The following SLC25A48 variants were observed in gnomAD, a reference collection of about 807,000 sequenced individuals.
SLC25A48 encodes CTC-321K16.1.
Under a neutral mutation model 32.2 loss-of-function variants are expected in SLC25A48, and 29 were observed. The ratio of observed to expected loss-of-function variants is 0.90; its 90% CI spans 0.67 to 1.23. SLC25A48 has a LOEUF of 1.23. Among genes scored for constraint, SLC25A48 ranks in the 50% most tolerant of loss-of-function variants. SLC25A48 has a pLI of 0.00. For synonymous variants in SLC25A48, 164 were observed against 172.3 expected (o/e 0.95, Z 0.38); for missense variants, 399 against 422.7 (o/e 0.94, Z 0.49).
intron 7 of SLC25A48, among the ~76,000 whole-genome samples, chr5:135,885,082 C>G (rs1762667905): frequency 6.6e-6 from 1 of 152,110 alleles, no homozygotes; most frequent in African/African-American, 2.4e-5. Context: ...GGGTACATCG[C>G]CAGCAGCCAT....
intron 3 of SLC25A48, among the ~76,000 whole-genome samples, chr5:135,777,784 C>CGG (rs55658230): frequency 3.0e-3 from 420 of 142,280 alleles, no homozygotes; most frequent in Non-Finnish European, 4.1e-3. Context: ...TCCTAATATC[C>CGG]GGGGGGGGGG....
At chr5:135,753,997 A>G (rs1755834193) in intron 3 of SLC25A48, among the ~76,000 whole-genome samples, 2 of 151,678 alleles carry the variant, frequency 1.3e-5, no homozygotes, top group South Asian at 2.1e-4. Flanking sequence ...CACAGGGTGT[A>G]CGCACAGGCT....
chr5:135,872,933 G>C (rs1045503646), intron 5 of SLC25A48, among the ~76,000 whole-genome samples: 2 of 152,200 alleles, frequency 1.3e-5, no homozygotes, highest in African/African-American at 4.8e-5. Context: ...CCAGCTCCTA[G>C]TAAGAGCTCA....
At chr5:135,705,826 C>G (rs149899728) in intron 3 of SLC25A48, among the ~76,000 whole-genome samples, 300 of 152,264 alleles carry the variant, frequency 2.0e-3, no homozygotes, top group African/African-American at 6.8e-3. Context: ...CCCAGGGTAT[C>G]GGGGATGTCC....
At position 135,850,496 on chromosome 5, in the gene SLC25A48, T is replaced by A. The variant is rs1158606406; in HGVS notation, c.162T>A (p.Ser54Arg). The A allele has an allele frequency of 1.2e-6, 2 of 1,612,800 alleles. No individual in the cohort carries two copies. The highest frequency in any genetic ancestry group is 2.2e-5 in the East Asian group (1 of 44,802). ...TCCGCGTGGTGTACAGGAGGGAGAGTGTAAGTGCCCCTTGGGCGGGTGGAG... is the reference window on the plus strand; with the variant it reads ...TCCGCGTGGTGTACAGGAGGGAGAGAGTAAGTGCCCCTTGGGCGGGTGGAG... ...SCIRVVYRRE[S>R]MFGFFKGMSF... The change falls in exon 3 of 8, where the codon AGT becomes AGA. Residue 54 changes from serine (S) to arginine (R), a missense_variant and splice_region_variant. Coordinates refer to ENST00000681962, the MANE Select transcript of SLC25A48 (RefSeq NM_001349336.2).
chr5:135,825,893 G>T (rs1377955595), intron 4 of SLC25A48: 1 of 152,262 alleles, frequency 6.6e-6, no homozygotes, highest in Non-Finnish European at 1.5e-5. Context: ...CTCAGGGGCT[G>T]CCCAGGGCTG....
At chr5:135,861,321 A>G (rs1760776654) in intron 4 of SLC25A48, among the ~76,000 whole-genome samples, 1 of 151,936 alleles carries the variant, frequency 6.6e-6, no homozygotes, top group African/African-American at 2.4e-5. Context: ...ACGCACACAC[A>G]CACACACACA....
intron 5 of SLC25A48, chr5:135,872,135 TC>T: frequency 1.8e-6 from 1 of 557,198 alleles, no homozygotes; most frequent in Non-Finnish European, 2.7e-6. Flanking sequence ...AAGTAGCCAA[TC>T]CCAGGTCATA....
intron 3 of SLC25A48, among the ~76,000 whole-genome samples, chr5:135,670,985 C>A (rs1753641419): frequency 6.6e-6 from 1 of 152,184 alleles, no homozygotes; most frequent in African/African-American, 2.4e-5. Flanking sequence ...TGATTAATCC[C>A]TGGTATACCT....
At chr5:135,736,609 G>C (rs887724713) in intron 3 of SLC25A48, among the ~76,000 whole-genome samples, 2 of 151,948 alleles carry the variant, frequency 1.3e-5, no homozygotes, top group African/African-American at 4.8e-5. Flanking sequence ...GGGGTGGGGG[G>C]TGCTTGCCCC....
At chr5:135,814,303 C>G (rs112667500) in intron 4 of SLC25A48, among the ~76,000 whole-genome samples, 19 of 152,328 alleles carry the variant, frequency 1.2e-4, no homozygotes, top group African/African-American at 4.3e-4. Flanking sequence ...TGGTCACAGT[C>G]CAGCCCTTCT....
chr5:135,583,119 T>C (rs1751270467), intron 1 of SLC25A48, among the ~76,000 whole-genome samples: 1 of 151,956 alleles, frequency 6.6e-6, no homozygotes, highest in South Asian at 2.1e-4. Context: ...GCTCAGCATG[T>C]GAGAGTACTG....
intron 3 of SLC25A48, among the ~76,000 whole-genome samples, chr5:135,636,992 A>T (rs1038904986): frequency 3.3e-5 from 5 of 152,230 alleles, no homozygotes; most frequent in African/African-American, 1.2e-4. Context: ...GGGTGGAAAT[A>T]TAAAAGATGA....
chr5:135,713,205 T>A (rs1448711436), intron 3 of SLC25A48, among the ~76,000 whole-genome samples: 2 of 152,202 alleles, frequency 1.3e-5, no homozygotes, highest in Non-Finnish European at 2.9e-5. Flanking sequence ...TTTAACAAGA[T>A]CCCCAGGAGA....
intron 3 of SLC25A48, among the ~76,000 whole-genome samples, chr5:135,723,798 G>A (rs1027609868): frequency 1.3e-5 from 2 of 152,096 alleles, no homozygotes; most frequent in Admixed American, 1.3e-4. Flanking sequence ...CCATCAAGTG[G>A]GGCTTCTGGA....
intron 3 of SLC25A48, among the ~76,000 whole-genome samples, chr5:135,711,629 A>G (rs17168959): frequency 0.013 from 1,960 of 152,328 alleles, 45 homozygotes; most frequent in African/African-American, 0.044. Context: ...CCAGGAACAT[A>G]TAGAACCTGC....
intron 3 of SLC25A48, among the ~76,000 whole-genome samples, chr5:135,724,356 G>T (rs992112362): frequency 6.6e-6 from 1 of 152,236 alleles, no homozygotes; most frequent in African/African-American, 2.4e-5. Flanking sequence ...GAGGCTGCCT[G>T]CCTCATCTCA....
chr5:135,656,983 G>T (rs1215220273), intron 3 of SLC25A48, among the ~76,000 whole-genome samples: 1 of 152,156 alleles, frequency 6.6e-6, no homozygotes, highest in African/African-American at 2.4e-5. Flanking sequence ...GGCAGCCCTA[G>T]GAAACAAGTA....
intron 3 of SLC25A48, among the ~76,000 whole-genome samples, chr5:135,710,093 C>T (rs1754618107): frequency 6.6e-6 from 1 of 152,212 alleles, no homozygotes. Context: ...CTCTGGCACA[C>T]CAACAGGAAG....
Sources: gnomAD v4.1 joint callset for allele counts (sites outside exome capture counted in the v4.1 genomes callset) on GRCh38, gnomAD v4.1.1 for gene constraint, MANE v1.5 for transcripts, NCBI Gene and HGNC (gene_info 2026-07-23, HGNC 2026-07-21) for gene names.